FOXP1: variants seen among roughly 807,000 people sequenced by gnomAD.
FOXP1 encodes forkhead box protein P1.
A neutral mutation model predicts 98.2 loss-of-function variants in FOXP1; 15 were observed. The observed-to-expected ratio is 0.15, with a 90% CI of 0.10 to 0.24. The LOEUF (loss-of-function observed/expected upper bound fraction) is 0.24. Among genes scored for constraint, FOXP1 ranks in the 10% least tolerant of loss-of-function variants. The probability of loss-of-function intolerance (pLI) is 1.00; values close to 1 mark genes in which losing one functional copy is unlikely to be tolerated. For missense variants in FOXP1, 633 were observed against 848.5 expected, an observed-to-expected ratio of 0.75 and a Z score of 3.15; for synonymous variants, 371 against 314.5, an observed-to-expected ratio of 1.18 and a Z score of -1.90.
intron 3 of FOXP1, among the ~76,000 whole-genome samples, chr3:71,390,806 A>G (rs748758811): frequency 2.6e-5 from 4 of 152,218 alleles, no homozygotes; most frequent in Non-Finnish European, 5.9e-5. Flanking sequence ...TTTGAAATAA[A>G]CAGTTCAAAT....
chr3:71,379,182 T>C (rs1338173601), intron 3 of FOXP1, among the ~76,000 whole-genome samples: 1 of 152,130 alleles, frequency 6.6e-6, no homozygotes, highest in Non-Finnish European at 1.5e-5. Flanking sequence ...TATATTTTCA[T>C]GTTATCTGTG....
At chr3:71,473,963 G>A (rs976222334) in intron 3 of FOXP1, among the ~76,000 whole-genome samples, 1 of 152,274 alleles carries the variant, frequency 6.6e-6, no homozygotes, top group East Asian at 1.9e-4. Flanking sequence ...CTGGCACAGA[G>A]TAGGCACCTA....
chr3:71,448,491 T>A lies in FOXP1; in HGVS notation c.-168+44935A>T, dbSNP rs186410676. On this transcript the variant is annotated intron_variant, in intron 3 of 20. Coordinates refer to ENST00000649528, the MANE Select transcript of FOXP1 (RefSeq NM_001349338.3). ...AAGACTACACAGTGGTTAAGATCACTGGTATTAAGAGCACTGGCTCATGGG... is the reference window on the plus strand; with the variant it reads ...AAGACTACACAGTGGTTAAGATCACAGGTATTAAGAGCACTGGCTCATGGG... 5.0e-3 allele frequency among the ~76,000 whole-genome samples: 761 copies of A among 152,296 alleles called. 5 individuals are homozygous for A. The highest frequency in any genetic ancestry group is 0.016 in the African/African-American group (681 of 41,550).
intron 5 of FOXP1, among the ~76,000 whole-genome samples, chr3:71,280,384 G>T (rs1301783820): frequency 6.7e-6 from 1 of 150,356 alleles, no homozygotes; most frequent in African/African-American, 2.5e-5. Context: ...GCAGTGGTGC[G>T]ATCTCAGCTC....
chr3:71,509,466 T>C (rs2042044712), intron 2 of FOXP1, among the ~76,000 whole-genome samples: 2 of 152,198 alleles, frequency 1.3e-5, no homozygotes, highest in Admixed American at 6.5e-5. Context: ...TCATTTTTAA[T>C]TTAATTATCT....
Position 71,007,046 on chromosome 3 carries a change from G to A in FOXP1, c.975-5987C>T, listed in dbSNP as rs147183063. 1.9e-3 allele frequency among the ~76,000 whole-genome samples: 289 copies of A among 152,064 alleles called. 1 individual carries two copies. The highest frequency in any genetic ancestry group is 6.7e-3 in the African/African-American group (276 of 41,492). ...GTATTTAGGCCACTTTGACCTCTTC[G>A]AGTACTAAGAAAGGTCTTGAACTCC... On this transcript the variant is annotated intron_variant, in intron 12 of 20. Coordinates refer to ENST00000649528, the MANE Select transcript of FOXP1 (RefSeq NM_001349338.3).
chr3:71,046,373 T>C (rs542169151), intron 10 of FOXP1, among the ~76,000 whole-genome samples: 1 of 152,130 alleles, frequency 6.6e-6, no homozygotes, highest in African/African-American at 2.4e-5. Flanking sequence ...CTGATGAGTG[T>C]AGAACTAATT....
At chr3:71,208,226 A>G (rs1440294305) in intron 5 of FOXP1, among the ~76,000 whole-genome samples, 1 of 152,186 alleles carries the variant, frequency 6.6e-6, no homozygotes, top group African/African-American at 2.4e-5. Context: ...TGCCTTGTTC[A>G]TAGTACTAGA....
chr3:71,096,320 T>C (rs778649984), intron 7 of FOXP1, among the ~76,000 whole-genome samples: 1 of 152,192 alleles, frequency 6.6e-6, no homozygotes, highest in African/African-American at 2.4e-5. Flanking sequence ...TTTTTAAATA[T>C]ACACATGCTT....
intron 7 of FOXP1, among the ~76,000 whole-genome samples, chr3:71,096,810 G>A (rs1022041768): frequency 1.3e-5 from 2 of 152,150 alleles, no homozygotes; most frequent in Non-Finnish European, 2.9e-5. Context: ...TATCACACAA[G>A]TATGTGGTAT....
intron 13 of FOXP1, among the ~76,000 whole-genome samples, chr3:70,991,053 T>TG (rs2040524508): frequency 5.8e-3 from 1 of 172 alleles, no homozygotes; most frequent in Admixed American, 0.056. Context: ...AACTTTCTAA[T>TG]TTTTTTTTTT....
intron 5 of FOXP1, chr3:71,288,476 T>C (rs767128088): frequency 2.0e-5 from 3 of 152,158 alleles, no homozygotes; most frequent in Admixed American, 1.3e-4. Flanking sequence ...AAGGTAAAGG[T>C]GATAGACAGA....
intron 20 of FOXP1, among the ~76,000 whole-genome samples, chr3:70,963,936 C>T (rs918634121): frequency 1.8e-4 from 28 of 152,144 alleles, no homozygotes; most frequent in African/African-American, 6.5e-4. Flanking sequence ...TCCTTCAAGC[C>T]GTGCCGTAAA....
chr3:71,323,243 C>G (rs892089485), intron 4 of FOXP1, among the ~76,000 whole-genome samples: 23 of 152,116 alleles, frequency 1.5e-4, no homozygotes, highest in African/African-American at 5.5e-4. Context: ...TTTTAAACTC[C>G]CAAAATGACC....
At position 70,957,211 on chromosome 3, in the gene FOXP1, ATTT is replaced by A. The variant is rs1203667108; in HGVS notation, c.*2033_*2035del. 11 of 224,120 alleles carry A rather than the reference ATTT, an allele frequency of 4.9e-5. No individual in the cohort carries two copies. Among genetic ancestry groups the A allele is most frequent in the Non-Finnish European group, 3.6e-5 (4 of 112,424 alleles). 13.9% of individuals were successfully genotyped at this position (224,120 alleles called of 1,614,324 possible). A position where few individuals can be genotyped will look rare whatever the true frequency, so the allele number is the denominator to read the frequency against. On this transcript the variant is annotated 3_prime_UTR_variant, in exon 21 of 21. Transcript: ENST00000649528. ...TGTAGCTCCTTTAATATTGTGTCCT[ATTT>A]TTATCTGCAGTAGCCCCATAAAATC... is the stretch of plus-strand genomic sequence containing the variant.
At chr3:71,480,880 A>G (rs1170704452) in intron 3 of FOXP1, among the ~76,000 whole-genome samples, 1 of 152,150 alleles carries the variant, frequency 6.6e-6, no homozygotes, top group East Asian at 1.9e-4. Context: ...AAGGATAGAA[A>G]TTCACCATCT....
intron 2 of FOXP1, among the ~76,000 whole-genome samples, chr3:71,518,775 G>C (rs2042763493): frequency 6.6e-6 from 1 of 152,204 alleles, no homozygotes; most frequent in Non-Finnish European, 1.5e-5. Context: ...ACAGCAGCTA[G>C]CATTTCCTTA....
At chr3:71,310,599 C>A (rs2074612572) in intron 4 of FOXP1, among the ~76,000 whole-genome samples, 1 of 152,208 alleles carries the variant, frequency 6.6e-6, no homozygotes, top group African/African-American at 2.4e-5. Flanking sequence ...TGCTGGTCTT[C>A]CCCGATTCCT....
intron 4 of FOXP1, among the ~76,000 whole-genome samples, chr3:71,347,016 C>G (rs1221330512): frequency 1.3e-5 from 2 of 152,092 alleles, no homozygotes; most frequent in Non-Finnish European, 1.5e-5. Context: ...AGCCTGGCAA[C>G]AGAGCAAGAC....
Sources: gnomAD v4.1 joint callset for allele counts (sites outside exome capture counted in the v4.1 genomes callset) on GRCh38, gnomAD v4.1.1 for gene constraint, MANE v1.5 for transcripts, NCBI Gene and HGNC (gene_info 2026-07-23, HGNC 2026-07-21) for gene names.